The following TTC1 variants were observed in gnomAD, a reference collection of about 807,000 sequenced individuals.
TTC1 encodes the protein tetratricopeptide repeat domain 1.
A neutral mutation model predicts 37.6 loss-of-function variants in TTC1; 31 were observed. The ratio of observed to expected loss-of-function variants is 0.82; its 90% CI spans 0.62 to 1.11. The LOEUF (loss-of-function observed/expected upper bound fraction) is 1.11, where lower values mean the gene tolerates loss of function less well. TTC1 is among the 50% of genes most tolerant of loss of function. The pLI is 0.00. For missense variants in TTC1, 351 were observed against 339.0 expected (o/e 1.04, Z -0.28); for synonymous variants, 127 against 122.4 (o/e 1.04, Z -0.25).
chr5:160,036,582 T>C, intron 3 of TTC1, 109 bp from the exon 4 acceptor site: 2 of 737,126 alleles, frequency 2.7e-6, no homozygotes, highest in Non-Finnish European at 4.6e-6. Flanking sequence ...ATCTTTTAAC[T>C]CAAAACCTTC....
chr5:160,036,548 C>T (rs551062041), intron 3 of TTC1, 143 bp from the exon 4 acceptor site: 18 of 603,736 alleles, frequency 3.0e-5, no homozygotes, highest in South Asian at 1.6e-4. Context: ...ATTTTTACTG[C>T]GCCAGACTTA....
chr5:160,046,009 G>C (rs966201405), intron 5 of TTC1, among the ~76,000 whole-genome samples: 1 of 152,148 alleles, frequency 6.6e-6, no homozygotes, highest in African/African-American at 2.4e-5. Flanking sequence ...CCAAAGTGCT[G>C]AGATTACAGG....
At chr5:160,058,950 A>G (rs947282459) in intron 7 of TTC1, among the ~76,000 whole-genome samples, 1 of 152,210 alleles carries the variant, frequency 6.6e-6, no homozygotes, top group African/African-American at 2.4e-5. Context: ...TATTCTATAA[A>G]TAGATGTGCT....
chr5:160,019,695 C>G (rs1756671963), intron 2 of TTC1, among the ~76,000 whole-genome samples: 1 of 147,266 alleles, frequency 6.8e-6, no homozygotes, highest in Non-Finnish European at 1.5e-5. Flanking sequence ...TCAAGCGATT[C>G]TCTCTCTGCC....
chr5:160,041,931 C>T (rs1051954381), intron 4 of TTC1, among the ~76,000 whole-genome samples: 2 of 151,636 alleles, frequency 1.3e-5, no homozygotes, highest in African/African-American at 4.8e-5. Context: ...ACTCCTGAAA[C>T]TTTTTTTTTA....
rs1448704796 is a variant in TTC1 at position 160,010,865 on chromosome 5, A to G, written c.330+7A>G. ...GTCGGATGAAGAGAAACAGGTAAGT[A>G]TTTTATTTATTGTGCAAGATCTGCC... On this transcript the variant is annotated splice_region_variant and intron_variant, in intron 2 of 7. Coordinates refer to ENST00000231238, the MANE Select transcript of TTC1 (RefSeq NM_003314.3). The G allele has an allele frequency of 1.9e-6, 3 of 1,607,214 alleles. No individual in the cohort carries two copies. Among genetic ancestry groups the G allele is most frequent in the South Asian group, 2.2e-5 (2 of 90,706 alleles).
At chr5:160,029,509 G>C (rs566396119) in intron 2 of TTC1, among the ~76,000 whole-genome samples, 1 of 151,392 alleles carries the variant, frequency 6.6e-6, no homozygotes, top group African/African-American at 2.4e-5. Context: ...ATAGCTAGGC[G>C]TGGTGGTGTG....
At chr5:160,042,702 T>A (rs1266442433) in intron 4 of TTC1, among the ~76,000 whole-genome samples, 2 of 152,240 alleles carry the variant, frequency 1.3e-5, no homozygotes, top group Non-Finnish European at 2.9e-5. Context: ...TGTCTGTAGG[T>A]GGAGCATCTG....
chr5:160,049,463 T>G, intron 5 of TTC1, 51 bp from the exon 6 acceptor site: 1 of 1,485,930 alleles, frequency 6.7e-7, no homozygotes. Flanking sequence ...TAGCCAAAGA[T>G]ATGTAGGCCA....
chr5:160,016,147 G>A (rs1456554824), intron 2 of TTC1, among the ~76,000 whole-genome samples: 2 of 152,180 alleles, frequency 1.3e-5, no homozygotes, highest in Non-Finnish European at 1.5e-5. Flanking sequence ...GGAGGCCAAG[G>A]TGGGCAGACC....
chr5:160,014,300 G>A (rs1316713989), intron 2 of TTC1, among the ~76,000 whole-genome samples: 1 of 152,046 alleles, frequency 6.6e-6, no homozygotes, highest in Non-Finnish European at 1.5e-5. Flanking sequence ...CGAGGTTGCA[G>A]TGAGCCGAGA....
At chr5:160,051,074 AG>A in intron 6 of TTC1, 54 bp from the exon 7 acceptor site, 1 of 1,334,974 alleles carries the variant, frequency 7.5e-7, no homozygotes, top group South Asian at 1.3e-5. Flanking sequence ...ATAAAGGGAA[AG>A]GTTTTGGTTT....
chr5:160,056,518 G>A (rs1029302611), intron 7 of TTC1, among the ~76,000 whole-genome samples: 1 of 152,134 alleles, frequency 6.6e-6, no homozygotes, highest in African/African-American at 2.4e-5. Context: ...CAGTTGAAGA[G>A]TTCAAGACCA....
intron 2 of TTC1, among the ~76,000 whole-genome samples, chr5:160,015,345 G>T (rs1268572322): frequency 6.6e-6 from 1 of 152,088 alleles, no homozygotes; most frequent in African/African-American, 2.4e-5. Context: ...AAGTGGCTGG[G>T]ACCACAGGCG....
At position 160,045,520 on chromosome 5, in the gene TTC1, ACTCTCT is replaced by A. The variant is rs749296749; in HGVS notation, c.541+2379_541+2384del. On this transcript the variant is annotated intron_variant, in intron 5 of 7. Coordinates refer to ENST00000231238, the MANE Select transcript of TTC1 (RefSeq NM_003314.3). ...CACACACACACACACACACATACAC[ACTCTCT>A]CTCTCTCTCTCTCTCTCTCTCTCTC... Among the ~76,000 whole-genome samples the A allele has an allele frequency of 1.6e-3, 89 of 54,892 alleles. 2 individuals carry two copies. The highest frequency in any genetic ancestry group is 3.7e-3 in the East Asian group (6 of 1,600). The allele number at this position is 54,892 out of a possible 152,430, so 36.0% of individuals were successfully genotyped here.
chr5:160,028,012 A>C (rs1001388233), intron 2 of TTC1, among the ~76,000 whole-genome samples: 2 of 152,226 alleles, frequency 1.3e-5, no homozygotes, highest in African/African-American at 4.8e-5. Context: ...TAAAGTTATC[A>C]GCCTTGGCCG....
At position 160,062,487 on chromosome 5, in the gene TTC1, C is replaced by T. The variant is rs546070321; in HGVS notation, c.746-2445C>T. On this transcript the variant is annotated intron_variant, in intron 7 of 7. Transcript: ENST00000231238. ...CCTCCGTCTTTTGGGTCTGCCTCCC[C>T]ACTAGACTGAGCATTGTGCATAGAA... Among the ~76,000 whole-genome samples the T allele has an allele frequency of 1.4e-3, 207 of 152,352 alleles. 1 individual carries two copies. The highest frequency in any genetic ancestry group is 4.8e-3 in the African/African-American group (199 of 41,584).
chr5:160,043,271 T>TTGCAAGGCCCCAGAGGAA, intron 5 of TTC1, 102 bp downstream of exon 5: 1 of 1,254,676 alleles, frequency 8.0e-7, no homozygotes, highest in Non-Finnish European at 1.1e-6. Context: ...ACCCTTCCTC[T>TTGCAAGGCCCCAGAGGAA]GGGGCCTTGC....
chr5:160,023,972 G>T, intron 2 of TTC1: 2 of 1,552,958 alleles, frequency 1.3e-6, no homozygotes, highest in East Asian at 4.5e-5. Context: ...AGAGTATTTG[G>T]TCCCACCTGG....
Sources: gnomAD v4.1 joint callset for allele counts (sites outside exome capture counted in the v4.1 genomes callset) on GRCh38, gnomAD v4.1.1 for gene constraint, MANE v1.5 for transcripts, NCBI Gene and HGNC (gene_info 2026-07-23, HGNC 2026-07-21) for gene names.